PPM1H: variants seen among roughly 807,000 people sequenced by gnomAD.
The protein encoded by PPM1H is protein phosphatase, Mg2+/Mn2+ dependent 1H.
Under a neutral mutation model 54.9 loss-of-function variants are expected in PPM1H, and 27 were observed. That is an observed-to-expected ratio of 0.49 (90% confidence interval 0.36 to 0.68). The LOEUF is 0.68. Ranked by LOEUF, PPM1H falls within the 30% of genes least tolerant of loss-of-function variation. The pLI is 0.00. For synonymous variants in PPM1H, 305 were observed against 270.8 expected (o/e 1.13, Z -1.24); for missense variants, 596 against 667.8 (o/e 0.89, Z 1.19).
rs57922128 is a variant in PPM1H, at chr12:62,688,008, CAAA to C, written c.1245+1688_1245+1690del. 8.3e-4 allele frequency among the ~76,000 whole-genome samples: 79 copies of C among 95,288 alleles called. 2 individuals are homozygous for C. The highest frequency in any genetic ancestry group is 6.2e-3 in the Middle Eastern group (1 of 162). The allele number at this position is 95,288 out of a possible 152,430, so 62.5% of individuals were successfully genotyped here. A position where few individuals can be genotyped will look rare whatever the true frequency, so the allele number is the denominator to read the frequency against. On this transcript the variant is annotated intron_variant, in intron 8 of 9. Coordinates refer to ENST00000228705, the MANE Select transcript of PPM1H (RefSeq NM_020700.2). The stretch of plus-strand genomic sequence containing the variant: ...TGGGCAACAGAGTGAGACTCCATCT[CAAA>C]AAAAAAAAAAAAAAGAAACAAAAAA...
intron 1 of PPM1H, among the ~76,000 whole-genome samples, chr12:62,885,695 T>C (rs558623127): frequency 1.5e-3 from 226 of 152,218 alleles, no homozygotes; most frequent in Non-Finnish European, 2.7e-3. Context: ...ACTATGTTTA[T>C]GTAAGACGTT....
rs542061773 is a variant in PPM1H at position 62,716,238 on chromosome 12, G to C, written c.1073+3933C>G. Among the ~76,000 whole-genome samples the C allele has an allele frequency of 2.0e-5, 3 of 152,302 alleles. No homozygotes were observed. In the East Asian group the frequency reaches 5.8e-4, roughly 29 times the overall value. ...CACCTTAGTAAGCACCACACACTCT[G>C]AAGTTACGCTGCCTGGATTCATATC... On this transcript the variant is annotated intron_variant, in intron 6 of 9. Coordinates refer to ENST00000228705, the MANE Select transcript of PPM1H (RefSeq NM_020700.2).
At chr12:62,683,115 G>A (rs905299856) in intron 8 of PPM1H, among the ~76,000 whole-genome samples, 1 of 149,424 alleles carries the variant, frequency 6.7e-6, no homozygotes. Context: ...TCTCCATGTT[G>A]CCCAGGTTGG....
Position 62,734,833 on chromosome 12 carries a change from A to T in PPM1H, c.954+2669T>A, listed in dbSNP as rs541377644. 1.8e-3 allele frequency among the ~76,000 whole-genome samples: 268 copies of T among 152,294 alleles called. 1 individual carries two copies. Among genetic ancestry groups the T allele is most frequent in the Middle Eastern group, 3.4e-3 (1 of 294 alleles). On this transcript the variant is annotated intron_variant, in intron 5 of 9. Coordinates refer to ENST00000228705, the MANE Select transcript of PPM1H (RefSeq NM_020700.2). ...TGAGGTGAGAGGATTGCTTGAGCCC[A>T]GGAGTTTAAGACCAGCCCTGGCAAG...
At chr12:62,726,653 G>A (rs936732691) in intron 5 of PPM1H, among the ~76,000 whole-genome samples, 1 of 152,138 alleles carries the variant, frequency 6.6e-6, no homozygotes, top group Non-Finnish European at 1.5e-5. Flanking sequence ...TCAGGCCAGC[G>A]CAGAGATGTT....
intron 1 of PPM1H, among the ~76,000 whole-genome samples, chr12:62,898,728 A>G (rs1871071499): frequency 6.6e-6 from 1 of 152,134 alleles, no homozygotes; most frequent in African/African-American, 2.4e-5. Flanking sequence ...ACCAACCCAC[A>G]TTTCTCCAAA....
chr12:62,892,259 C>T (rs928048958), intron 1 of PPM1H, among the ~76,000 whole-genome samples: 8 of 152,176 alleles, frequency 5.3e-5, no homozygotes, highest in African/African-American at 1.9e-4. Context: ...TGATGTTCTA[C>T]GCTTCAACAA....
intron 1 of PPM1H, among the ~76,000 whole-genome samples, chr12:62,864,644 C>T (rs1043494518): frequency 6.6e-6 from 1 of 152,226 alleles, no homozygotes; most frequent in African/African-American, 2.4e-5. Flanking sequence ...CCAAACCTCT[C>T]TTTAACCCTT....
intron 9 of PPM1H, among the ~76,000 whole-genome samples, chr12:62,651,233 CCT>C (rs1404877464): frequency 6.6e-6 from 1 of 152,172 alleles, no homozygotes; most frequent in Non-Finnish European, 1.5e-5. Context: ...GTGAAATGTG[CCT>C]CCCTTAAACC....
At chr12:62,710,551 A>AAAAAG (rs1555190748) in intron 6 of PPM1H, among the ~76,000 whole-genome samples, 1 of 151,496 alleles carries the variant, frequency 6.6e-6, no homozygotes, top group East Asian at 1.9e-4. Context: ...AAAAAAAAAA[A>AAAAAG]AAAAGTCCCC....
intron 3 of PPM1H, among the ~76,000 whole-genome samples, chr12:62,794,426 C>G (rs1268340694): frequency 1.3e-5 from 2 of 152,150 alleles, no homozygotes; most frequent in Admixed American, 6.5e-5. Context: ...TCAACAAAGT[C>G]TAGCTGCTTG....
intron 8 of PPM1H, among the ~76,000 whole-genome samples, chr12:62,669,407 C>T (rs17733070): frequency 0.017 from 2,520 of 152,264 alleles, 35 homozygotes; most frequent in Middle Eastern, 0.027. Context: ...AATTCAGTTC[C>T]GGGTGGGCTT....
chr12:62,705,281 T>G (rs2076166692), intron 6 of PPM1H, among the ~76,000 whole-genome samples: 1 of 152,214 alleles, frequency 6.6e-6, no homozygotes, highest in African/African-American at 2.4e-5. Flanking sequence ...CAAAGTTTGG[T>G]AGAAGAACAG....
chr12:62,864,228 T>G (rs971794426), intron 1 of PPM1H, among the ~76,000 whole-genome samples: 3 of 152,220 alleles, frequency 2.0e-5, no homozygotes, highest in Non-Finnish European at 4.4e-5. Flanking sequence ...AAGGCTGGTC[T>G]ACAGGTAAAG....
chr12:62,792,843 G>A lies in PPM1H; in HGVS notation c.757-4505C>T, dbSNP rs142017704. ...GGAACATTAAAGGACCATCTGGGTG[G>A]TTCTTTTACTATCAGAGCAAACATG... On this transcript the variant is annotated intron_variant, in intron 3 of 9. Transcript: ENST00000228705. 1.5e-4 allele frequency among the ~76,000 whole-genome samples: 23 copies of A among 152,220 alleles called. 1 individual carries two copies. The highest frequency in any genetic ancestry group is 5.5e-4 in the African/African-American group (23 of 41,526).
chr12:62,852,634 G>A (rs1173299224), intron 1 of PPM1H, among the ~76,000 whole-genome samples: 1 of 152,178 alleles, frequency 6.6e-6, no homozygotes, highest in Non-Finnish European at 1.5e-5. Context: ...TAATTGGTTT[G>A]GGCAAAGATC....
rs544588597 is a variant in PPM1H at position 62,743,014 on chromosome 12, G to T, written c.870-5428C>A. Among the ~76,000 whole-genome samples, 33 of 152,240 alleles carry T rather than the reference G, an allele frequency of 2.2e-4. 1 individual carries two copies. In the South Asian group the frequency reaches 6.7e-3, roughly 31 times the overall value. On this transcript the variant is annotated intron_variant, in intron 4 of 9. Transcript: ENST00000228705. ...TTTAGGGTGTTCTTATGAGTCAACC[G>T]CAAGAATGGGAGAAAAGGAGGTAAA...
chr12:62,851,149 A>G (rs1374494952), intron 1 of PPM1H, among the ~76,000 whole-genome samples: 7 of 152,162 alleles, frequency 4.6e-5, no homozygotes, highest in Non-Finnish European at 1.0e-4. Context: ...CCCCACTGAA[A>G]GAAACCAGCG....
intron 1 of PPM1H, among the ~76,000 whole-genome samples, chr12:62,834,278 A>T (rs1592624932): frequency 1.3e-5 from 2 of 152,284 alleles, no homozygotes; most frequent in East Asian, 3.9e-4. Flanking sequence ...AAGGAAATGC[A>T]TTTCCTCTTT....
Sources: allele counts gnomAD v4.1 joint callset (sites outside exome capture counted in the v4.1 genomes callset), GRCh38; gene constraint gnomAD v4.1.1; transcripts MANE v1.5; gene names NCBI Gene and HGNC (gene_info 2026-07-23, HGNC 2026-07-21).